BMPR2: variants seen among roughly 807,000 people sequenced by gnomAD.
BMPR2 encodes the protein bone morphogenetic protein receptor type-2.
BMPR2 carries 29 observed loss-of-function variants against 100.8 expected under a neutral mutation model. The ratio of observed to expected loss-of-function variants is 0.29; its 90% CI spans 0.21 to 0.39. The LOEUF is 0.39. Among genes scored for constraint, BMPR2 ranks in the 10% least tolerant of loss-of-function variants. The pLI is 1.00. For synonymous variants in BMPR2, 382 were observed against 442.3 expected, an observed-to-expected ratio of 0.86 and a Z score of 1.71; for missense variants, 1,011 against 1,274.5, an observed-to-expected ratio of 0.79 and a Z score of 3.15.
chr2:202,377,645 A>T, intron 1 of BMPR2, 95 bp downstream of exon 1: 2 of 1,424,030 alleles, frequency 1.4e-6, no homozygotes, highest in Non-Finnish European at 2.0e-6. Context: ...GCCCTTCGCC[A>T]TGCGTCCCCC....
At chr2:202,381,079 AT>A (rs999486642) in intron 1 of BMPR2, among the ~76,000 whole-genome samples, 2 of 139,236 alleles carry the variant, frequency 1.4e-5, no homozygotes, top group African/African-American at 5.5e-5. Context: ...GGTTCAAGTG[AT>A]TCTTCTGCCT....
At chr2:202,497,567 C>T (rs71425946) in intron 3 of BMPR2, among the ~76,000 whole-genome samples, 16,728 of 152,064 alleles carry the variant, frequency 0.11, 1,079 homozygotes, top group Non-Finnish European at 0.14. Context: ...AGTCAAGGGT[C>T]GACAAAGAGG....
At chr2:202,480,413 G>T (rs1482896774) in intron 3 of BMPR2, among the ~76,000 whole-genome samples, 2 of 152,090 alleles carry the variant, frequency 1.3e-5, no homozygotes, top group African/African-American at 4.8e-5. Context: ...ACAGGTGTGA[G>T]CCACCACGCC....
At chr2:202,457,192 C>G (rs892658028) in intron 1 of BMPR2, among the ~76,000 whole-genome samples, 1 of 152,014 alleles carries the variant, frequency 6.6e-6, no homozygotes, top group Non-Finnish European at 1.5e-5. Flanking sequence ...AGCATCTGAT[C>G]CAAAACAATG....
At chr2:202,552,253 G>A (rs1477654594) in intron 10 of BMPR2, among the ~76,000 whole-genome samples, 4 of 152,170 alleles carry the variant, frequency 2.6e-5, no homozygotes, top group African/African-American at 7.2e-5. Context: ...GCCTCCCAAA[G>A]TGCTGGGATT....
Position 202,532,858 on chromosome 2 carries a change from AT to A in BMPR2, c.1276+128del. On this transcript the variant is annotated intron_variant, in intron 9 of 12. Coordinates refer to ENST00000374580, the MANE Select transcript of BMPR2 (RefSeq NM_001204.7). This position sits in a 1 kb window ranked among gnomAD's most constrained non-coding sequence, Gnocchi z 4.1. ...TTACTTTCATTTAAACCTTTAGTTC[AT>A]TGCTATCTAGTGTTTAGAAACATTA... 1 of 1,154,570 alleles carries A rather than the reference AT, an allele frequency of 8.7e-7. No individual in the cohort carries two copies. 71.5% of individuals were successfully genotyped at this position (1,154,570 alleles called of 1,614,324 possible).
In BMPR2 at chr2:202,514,941, G is replaced by A. The variant is rs397514497; in HGVS notation, c.583G>A (p.Glu195Lys). ...GAACATGATGGAGGCAGCAGCATCC[G>A]AACCCTCTCTTGATCTAGATAATCT... is the stretch of plus-strand genomic sequence containing the variant. Reference protein sequence around the residue: ...SMNMMEAAASEPSLDLDNLKL... With the variant: ...SMNMMEAAASKPSLDLDNLKL... Residue 195 changes from glutamate to lysine, a missense_variant, in exon 5 of 13, where the codon GAA becomes AAA. By Grantham distance (56) the Glu-to-Lys change is moderately conservative (BLOSUM62 1). Coordinates refer to ENST00000374580, the MANE Select transcript of BMPR2 (RefSeq NM_001204.7). The A allele has an allele frequency of 1.3e-5, 21 of 1,614,040 alleles. No homozygotes were observed. The highest frequency in any genetic ancestry group is 2.2e-5 in the East Asian group (1 of 44,856).
At chr2:202,545,495 T>C (rs536096797) in intron 10 of BMPR2, among the ~76,000 whole-genome samples, 1 of 152,192 alleles carries the variant, frequency 6.6e-6, no homozygotes, top group East Asian at 1.9e-4. Flanking sequence ...GGACAAAAAG[T>C]GAAAAAATAA....
intron 7 of BMPR2, among the ~76,000 whole-genome samples, chr2:202,523,306 G>A (rs189245430): frequency 6.6e-6 from 1 of 152,306 alleles, no homozygotes; most frequent in Admixed American, 6.5e-5. Flanking sequence ...TTCAGCCACT[G>A]TGGAAAGTAG....
At chr2:202,511,948 G>A (rs772353999) in intron 3 of BMPR2, among the ~76,000 whole-genome samples, 3 of 151,928 alleles carry the variant, frequency 2.0e-5, no homozygotes, top group Non-Finnish European at 4.4e-5. Context: ...TTGAGTCTGG[G>A]ATGTGGAGTT....
chr2:202,535,828 A>G (rs1004651089), intron 9 of BMPR2, among the ~76,000 whole-genome samples: 4 of 152,210 alleles, frequency 2.6e-5, no homozygotes, highest in Admixed American at 6.5e-5. Context: ...TCCGTCTGCA[A>G]TCCCGGCACC....
At chr2:202,549,740 C>CT (rs1559072308) in intron 10 of BMPR2, among the ~76,000 whole-genome samples, 1 of 122,298 alleles carries the variant, frequency 8.2e-6, no homozygotes, top group Non-Finnish European at 1.7e-5. Context: ...GAGCAAGACT[C>CT]TGTCTCAAAA....
At chr2:202,378,908 T>C (rs1690213809) in intron 1 of BMPR2, among the ~76,000 whole-genome samples, 1 of 152,212 alleles carries the variant, frequency 6.6e-6, no homozygotes, top group African/African-American at 2.4e-5. Context: ...CATAGGCTTT[T>C]CAATGTTATT....
rs993833889 is a variant in BMPR2 at position 202,560,562 on chromosome 2, T to G, written c.*616T>G. On this transcript the variant is annotated 3_prime_UTR_variant, in exon 13 of 13. Transcript: ENST00000374580. The stretch of plus-strand genomic sequence containing the variant: ...TTTTCTGCCCCATCTCCCATACTTT[T>G]GAAGGTCAGTTCTATGACAGTGAAT... The G allele has an allele frequency of 1.9e-5, 3 of 154,962 alleles. No individual in the cohort carries two copies. The highest frequency in any genetic ancestry group is 7.2e-5 in the African/African-American group (3 of 41,470). The allele number at this position is 154,962 out of a possible 1,614,324, so 9.6% of individuals were successfully genotyped here. A position where few individuals can be genotyped will look rare whatever the true frequency, so the allele number is the denominator to read the frequency against.
Position 202,499,347 on chromosome 2 carries a change from A to G in BMPR2, c.419-14372A>G, listed in dbSNP as rs1221921797. 2.6e-5 allele frequency among the ~76,000 whole-genome samples: 4 copies of G among 152,356 alleles called. No homozygotes were observed. In the East Asian group the frequency reaches 7.7e-4, roughly 29 times the overall value. On this transcript the variant is annotated intron_variant, in intron 3 of 12. Coordinates refer to ENST00000374580, the MANE Select transcript of BMPR2 (RefSeq NM_001204.7). ...GCCCGAGAGTTTGGAGATACCTGGT[A>G]TCTTAGTAAAGTAAATGATAGAATG...
At chr2:202,439,826 A>C (rs1408834814) in intron 1 of BMPR2, among the ~76,000 whole-genome samples, 3 of 148,420 alleles carry the variant, frequency 2.0e-5, no homozygotes, top group Non-Finnish European at 4.4e-5. Context: ...ATAGGACAAT[A>C]GTGGAGGGAA....
chr2:202,467,487 G>T (rs758020734), intron 2 of BMPR2, 32 bp from the exon 3 acceptor site: 1 of 1,517,184 alleles, frequency 6.6e-7, no homozygotes, highest in Non-Finnish European at 9.2e-7. Context: ...TTATCATATT[G>T]TCTCCTTTTT....
chr2:202,547,781 C>CAAA (rs373601864), intron 10 of BMPR2, among the ~76,000 whole-genome samples: 4 of 56,884 alleles, frequency 7.0e-5, no homozygotes, highest in Non-Finnish European at 9.7e-5. Context: ...AGATCCATCA[C>CAAA]AAAAAAAAAA....
intron 3 of BMPR2, among the ~76,000 whole-genome samples, chr2:202,477,371 C>A (rs535188257): frequency 3.3e-5 from 5 of 151,862 alleles, no homozygotes; most frequent in Non-Finnish European, 7.4e-5. Context: ...AGCCTATATT[C>A]TGTGATTTTT....
Sources: allele counts gnomAD v4.1 joint callset (sites outside exome capture counted in the v4.1 genomes callset), GRCh38; gene constraint gnomAD v4.1.1; non-coding constraint Gnocchi (gnomAD v3.1); transcripts MANE v1.5; gene names NCBI Gene and HGNC (gene_info 2026-07-23, HGNC 2026-07-21).